Variants in KSR2 observed in about 807,000 individuals in gnomAD.
KSR2 encodes kinase suppressor of ras 2.
In KSR2, 25 loss-of-function variants were observed where a neutral mutation model predicts 107.8. The ratio of observed to expected loss-of-function variants is 0.23; its 90% CI spans 0.17 to 0.32. The LOEUF is 0.32. KSR2 is among the 10% of genes least tolerant of loss of function. The probability of loss-of-function intolerance (pLI) is 1.00; values close to 1 mark genes in which losing one functional copy is unlikely to be tolerated. For missense variants in KSR2, 887 were observed against 1,268.9 expected (o/e 0.70, Z 4.57); for synonymous variants, 480 against 507.0 (o/e 0.95, Z 0.71).
Position 117,883,801 on chromosome 12 carries a change from G to A in KSR2, c.181-23370C>T, listed in dbSNP as rs528574000. 6.0e-5 allele frequency among the ~76,000 whole-genome samples: 9 copies of A among 150,460 alleles called. No individual in the cohort carries two copies. The South Asian group carries it at 6.3e-4, about 11-fold the overall frequency. On this transcript the variant is annotated intron_variant, in intron 1 of 19. Transcript: ENST00000339824. The stretch of plus-strand genomic sequence containing the variant: ...TGAGGCAGGAGAATTGCTTAAACCT[G>A]TGAGGCGAAGGTGGCAGTGAGCCAA...
At chr12:117,483,178 T>C (rs1030516463) in intron 16 of KSR2, among the ~76,000 whole-genome samples, 4 of 152,180 alleles carry the variant, frequency 2.6e-5, no homozygotes, top group African/African-American at 7.2e-5. Context: ...AATAATTTTG[T>C]AGACTATGGT....
At chr12:117,648,442 A>G (rs1459649990) in intron 5 of KSR2, among the ~76,000 whole-genome samples, 1 of 152,240 alleles carries the variant, frequency 6.6e-6, no homozygotes, top group Non-Finnish European at 1.5e-5. Context: ...TGCCCCTAGC[A>G]TAAGGCATTG....
chr12:117,724,349 A>C (rs1323672993), intron 4 of KSR2, among the ~76,000 whole-genome samples: 1 of 151,634 alleles, frequency 6.6e-6, no homozygotes, highest in Admixed American at 6.6e-5. Flanking sequence ...ACATATATCT[A>C]CCAAACTATA....
At chr12:117,910,981 T>G (rs1038652762) in intron 1 of KSR2, among the ~76,000 whole-genome samples, 4 of 152,144 alleles carry the variant, frequency 2.6e-5, no homozygotes, top group East Asian at 1.9e-4. Flanking sequence ...CTCACTACTC[T>G]GCCTTTAAGA....
intron 3 of KSR2, among the ~76,000 whole-genome samples, chr12:117,845,705 G>A (rs900963052): frequency 2.5e-4 from 37 of 150,368 alleles, no homozygotes; most frequent in African/African-American, 9.1e-4. Context: ...TCCTGAGACA[G>A]GGTCTCGCTC....
intron 16 of KSR2, 38 bp downstream of exon 16, chr12:117,484,378 T>C (rs1161108034): frequency 6.2e-6 from 10 of 1,609,268 alleles, no homozygotes; most frequent in Non-Finnish European, 8.5e-6. Flanking sequence ...GACCATCATC[T>C]GTCAGGAAAC....
At chr12:117,796,232 G>A (rs1410399662) in intron 3 of KSR2, among the ~76,000 whole-genome samples, 1 of 152,132 alleles carries the variant, frequency 6.6e-6, no homozygotes, top group Non-Finnish European at 1.5e-5. Context: ...TGCCCAGCTG[G>A]CCTGCATTTA....
At chr12:117,882,751 A>G (rs764000510) in intron 1 of KSR2, among the ~76,000 whole-genome samples, 7 of 151,876 alleles carry the variant, frequency 4.6e-5, no homozygotes, top group Admixed American at 2.6e-4. Flanking sequence ...CCATCCATCC[A>G]TCCATCCAAC....
rs991968420 is a variant in KSR2 at position 117,463,619 on chromosome 12, C to T, written c.*3580G>A. 6.6e-6 allele frequency: 1 copy of T among 152,028 alleles called. No individual in the cohort carries two copies. The highest frequency in any genetic ancestry group is 1.5e-5 in the Non-Finnish European group (1 of 68,012). The allele number at this position is 152,028 out of a possible 1,614,324, so 9.4% of individuals were successfully genotyped here. ...ATGAAATATTATTCTTTTGATTTTTCCTCAATTAAAACATGTAAAAACCAT... is the reference window on the plus strand; with the variant it reads ...ATGAAATATTATTCTTTTGATTTTTTCTCAATTAAAACATGTAAAAACCAT... On this transcript the variant is annotated 3_prime_UTR_variant, in exon 20 of 20. Transcript: ENST00000339824.
At chr12:117,649,851 C>G (rs1883812388) in intron 5 of KSR2, among the ~76,000 whole-genome samples, 1 of 152,168 alleles carries the variant, frequency 6.6e-6, no homozygotes, top group Admixed American at 6.5e-5. Flanking sequence ...AAATGGTTTT[C>G]TGTACAATGG....
intron 5 of KSR2, among the ~76,000 whole-genome samples, chr12:117,661,542 C>T (rs1025074982): frequency 1.3e-5 from 2 of 152,078 alleles, no homozygotes; most frequent in African/African-American, 2.4e-5. Context: ...GTTCTTGCAA[C>T]GTTTCTGTAA....
At chr12:117,502,518 T>C (rs1398812131) in intron 14 of KSR2, among the ~76,000 whole-genome samples, 1 of 152,104 alleles carries the variant, frequency 6.6e-6, no homozygotes, top group African/African-American at 2.4e-5. Context: ...TAGTGGGGAA[T>C]GACTGGTAAT....
At chr12:117,739,439 T>C (rs962609138) in intron 4 of KSR2, among the ~76,000 whole-genome samples, 1 of 152,202 alleles carries the variant, frequency 6.6e-6, no homozygotes, top group African/African-American at 2.4e-5. Context: ...TGAGAGGCAA[T>C]TTCCAGCTCC....
chr12:117,539,917 G>T (rs1166220739), intron 9 of KSR2, 30 bp from the exon 10 acceptor site: 1 of 1,567,696 alleles, frequency 6.4e-7, no homozygotes, highest in South Asian at 1.2e-5. Flanking sequence ...TAGGAGTCAG[G>T]GACAGGCAGG....
chr12:117,823,195 G>C (rs1328368952), intron 3 of KSR2, among the ~76,000 whole-genome samples: 9 of 152,048 alleles, frequency 5.9e-5, no homozygotes, highest in Admixed American at 2.0e-4. Context: ...AGGTAGGAAG[G>C]AGTGGACTGG....
At chr12:117,858,876 T>C (rs1174677023) in intron 2 of KSR2, among the ~76,000 whole-genome samples, 1 of 152,206 alleles carries the variant, frequency 6.6e-6, no homozygotes, top group Non-Finnish European at 1.5e-5. Context: ...GTCTCAGCAG[T>C]TGAGATCCTA....
intron 1 of KSR2, among the ~76,000 whole-genome samples, chr12:117,868,493 G>T (rs562950741): frequency 6.6e-6 from 1 of 151,804 alleles, no homozygotes; most frequent in South Asian, 2.1e-4. Context: ...TCCCCCATGT[G>T]CCAGGCCCAT....
intron 4 of KSR2, among the ~76,000 whole-genome samples, chr12:117,756,149 C>T (rs1293334428): frequency 6.6e-6 from 1 of 152,178 alleles, no homozygotes; most frequent in Non-Finnish European, 1.5e-5. Flanking sequence ...AGCAAGTTAC[C>T]TAGATCTAGC....
At chr12:117,656,564 A>G (rs1231337289) in intron 5 of KSR2, among the ~76,000 whole-genome samples, 1 of 152,234 alleles carries the variant, frequency 6.6e-6, no homozygotes, top group East Asian at 1.9e-4. Flanking sequence ...TGGTTAGCCA[A>G]GATCGTGCCA....
Sources: allele counts gnomAD v4.1 joint callset (sites outside exome capture counted in the v4.1 genomes callset), GRCh38; gene constraint gnomAD v4.1.1; transcripts MANE v1.5; gene names NCBI Gene and HGNC (gene_info 2026-07-23, HGNC 2026-07-21).